NELFB: variants seen among roughly 807,000 people sequenced by gnomAD.
NELFB encodes negative elongation factor complex member B.
Under a neutral mutation model 60.2 loss-of-function variants are expected in NELFB, and 34 were observed. The observed-to-expected ratio is 0.56, with a 90% CI of 0.43 to 0.75. NELFB has a LOEUF of 0.75. NELFB is among the 30% of genes least tolerant of loss of function. The probability of loss-of-function intolerance (pLI) is 0.00; values close to 1 mark genes in which losing one functional copy is unlikely to be tolerated. For synonymous variants in NELFB, 459 were observed against 382.1 expected (o/e 1.20, Z -2.35); for missense variants, 770 against 831.6 (o/e 0.93, Z 0.91).
At chr9:137,263,320 C>A in intron 5 of NELFB, 98 bp downstream of exon 5, 1 of 1,158,572 alleles carries the variant, frequency 8.6e-7, no homozygotes. Context: ...CTCCTTCCCC[C>A]ACTGCCCTCC....
chr9:137,259,719 ATTAT>A (rs935286101), intron 4 of NELFB, among the ~76,000 whole-genome samples: 1 of 144,808 alleles, frequency 6.9e-6, no homozygotes, highest in African/African-American at 2.5e-5. Context: ...TTATTTTTTT[ATTAT>A]TTATTTATTT....
At chr9:137,262,055 C>G (rs1830455015) in intron 4 of NELFB, among the ~76,000 whole-genome samples, 1 of 152,140 alleles carries the variant, frequency 6.6e-6, no homozygotes, top group Non-Finnish European at 1.5e-5. Flanking sequence ...AGTACTTTCA[C>G]TAATTGACTA....
At chr9:137,272,360 C>T in intron 11 of NELFB, 138 bp downstream of exon 11, 2 of 1,479,424 alleles carry the variant, frequency 1.4e-6, no homozygotes, top group Non-Finnish European at 1.8e-6. Context: ...TCGCATGTGG[C>T]CCTGCAGGGT....
intron 6 of NELFB, 34 bp downstream of exon 6, chr9:137,264,391 A>G (rs1830493967): frequency 8.7e-6 from 13 of 1,491,484 alleles, no homozygotes; most frequent in East Asian, 2.4e-5. Context: ...TCTGCCCCTC[A>G]GGGCCCTGCG....
At chr9:137,265,582 G>T (rs974984975) in intron 6 of NELFB, among the ~76,000 whole-genome samples, 8 of 151,738 alleles carry the variant, frequency 5.3e-5, no homozygotes, top group Non-Finnish European at 1.0e-4. Flanking sequence ...TAGAGACAGG[G>T]TTTCACTTTG....
chr9:137,268,637 G>C (rs1033911760), intron 10 of NELFB, among the ~76,000 whole-genome samples: 1 of 152,226 alleles, frequency 6.6e-6, no homozygotes, highest in Non-Finnish European at 1.5e-5. Context: ...GGGATGGGAA[G>C]TCCGAGGTCA....
Position 137,267,071 on chromosome 9 carries a change from C to T in NELFB, c.1367C>T (p.Pro456Leu). 6.2e-7 allele frequency: 1 copy of T among 1,614,044 alleles called. No homozygotes were observed. Among genetic ancestry groups the T allele is most frequent in the Non-Finnish European group, 8.5e-7 (1 of 1,180,010 alleles). ...CCAGTCTCATATCCAAACACACTTCCCGAAAGCTTCACTAAGTACGGGCTG... is the reference window on the plus strand; with the variant it reads ...CCAGTCTCATATCCAAACACACTTCTCGAAAGCTTCACTAAGTACGGGCTG... The change falls in exon 9 of 13, where the codon CCC (proline) becomes CTC (leucine). Residue 456 changes from proline (P) to leucine (L), a missense_variant. Coordinates refer to ENST00000343053, the MANE Select transcript of NELFB (RefSeq NM_015456.5).
rs984950460 is a variant in NELFB, at chr9:137,273,210, C to G, written c.*282C>G. The G allele has an allele frequency of 5.7e-6, 2 of 353,094 alleles. No individual in the cohort carries two copies. The highest frequency in any genetic ancestry group is 1.0e-5 in the Non-Finnish European group (2 of 196,330). 21.9% of individuals were successfully genotyped at this position (353,094 alleles called of 1,614,324 possible). On this transcript the variant is annotated 3_prime_UTR_variant, in exon 13 of 13. Transcript: ENST00000343053. ...TTTTCCTGTGTTAGGAAAAAACCAC[C>G]TGTTTTCCAAGGGGAGAGGGCGGGG...
At chr9:137,263,358 C>A in intron 5 of NELFB, 136 bp downstream of exon 5, 1 of 652,484 alleles carries the variant, frequency 1.5e-6, no homozygotes, top group Non-Finnish European at 2.5e-6. Context: ...TCCCTCCCTC[C>A]CTCCTTCTCC....
At chr9:137,256,251 G>A in intron 2 of NELFB, 78 bp from the exon 3 acceptor site, 10 of 1,453,140 alleles carry the variant, frequency 6.9e-6, no homozygotes, top group Non-Finnish European at 9.6e-6. Context: ...CCTGGTAGCT[G>A]TTATCTGTGT....
rs1564444528 is a variant in NELFB, at chr9:137,266,212, AGTCGTGTGGTCCTGGCCATGGGC to A, written c.1144-118_1144-96del. 1.3e-4 allele frequency: 115 copies of A among 885,702 alleles called. 2 individuals carry two copies. In the East Asian group the frequency reaches 1.5e-3, roughly 11 times the overall value. 54.9% of individuals were successfully genotyped at this position (885,702 alleles called of 1,614,324 possible). A position where few individuals can be genotyped will look rare whatever the true frequency, so the allele number is the denominator to read the frequency against. On this transcript the variant is annotated intron_variant, in intron 7 of 12. Transcript: ENST00000343053. Reference sequence around the variant, plus strand: ...CCCCGTGTGTGGGGCTGGTGATCGCAGTCGTGTGGTCCTGGCCATGGGCACCAGAGATCCTGCTGAGTAACGAG... The same window carrying A: ...CCCCGTGTGTGGGGCTGGTGATCGCAACCAGAGATCCTGCTGAGTAACGAG...
Position 137,272,144 on chromosome 9 carries a change from C to T in NELFB, c.1553C>T (p.Ala518Val), listed in dbSNP as rs952940025. 1.9e-5 allele frequency: 30 copies of T among 1,614,114 alleles called. No homozygotes were observed. The highest frequency in any genetic ancestry group is 4.0e-5 in the African/African-American group (3 of 74,946). Residue 518 changes from alanine (A) to valine (V), a missense_variant, in exon 11 of 13, where the codon GCG (alanine) becomes GTG (valine). Coordinates refer to ENST00000343053, the MANE Select transcript of NELFB (RefSeq NM_015456.5). ...CTCCACCTGCTCACGGGCAACCTTG[C>T]GCTGCTGGCCGACGAATTTGCCCTT...
intron 7 of NELFB, 50 bp from the exon 8 acceptor site, chr9:137,266,281 G>A: frequency 6.5e-7 from 1 of 1,530,952 alleles, no homozygotes. Context: ...GGAGCTCCAT[G>A]GCCAGGACAC....
At chr9:137,268,389 G>T (rs917678078) in intron 10 of NELFB, among the ~76,000 whole-genome samples, 6 of 152,288 alleles carry the variant, frequency 3.9e-5, no homozygotes, top group Non-Finnish European at 8.8e-5. Flanking sequence ...TTCGAGACCA[G>T]TCTGGCCAAC....
At chr9:137,258,290 A>ATT in intron 4 of NELFB, among the ~76,000 whole-genome samples, 5 of 149,872 alleles carry the variant, frequency 3.3e-5, no homozygotes, top group South Asian at 2.1e-4. Flanking sequence ...TGCCTGGCTA[A>ATT]TTTGTATACT....
chr9:137,264,593 G>T lies in NELFB; in HGVS notation c.1040+236G>T, dbSNP rs540334287. 2.6e-5 allele frequency among the ~76,000 whole-genome samples: 4 copies of T among 152,288 alleles called. No individual in the cohort carries two copies. In the East Asian group the frequency reaches 7.7e-4, roughly 29 times the overall value. On this transcript the variant is annotated intron_variant, in intron 6 of 12. Transcript: ENST00000343053. ...CCATTCTCCTGCCTCAGCCTCCCAA[G>T]TAGCTGGGATTACAGGCACGCGCCA...
chr9:137,264,496 C>CT (rs1830495706), intron 6 of NELFB, 139 bp downstream of exon 6: 1 of 672,118 alleles, frequency 1.5e-6, no homozygotes, highest in Admixed American at 2.6e-5. Flanking sequence ...GACAGAGTCT[C>CT]GTTCTGTAGC....
intron 1 of NELFB, 133 bp downstream of exon 1, chr9:137,255,744 C>A: frequency 1.4e-6 from 2 of 1,431,188 alleles, no homozygotes; most frequent in Non-Finnish European, 1.9e-6. Flanking sequence ...GGGGTGGAGT[C>A]CGGAGCCAGC....
chr9:137,264,772 G>A (rs11560802), intron 6 of NELFB, among the ~76,000 whole-genome samples: 14,259 of 151,992 alleles, frequency 0.094, 883 homozygotes, highest in East Asian at 0.3. Flanking sequence ...TGGCCTCCTG[G>A]ATGTTTCAAT....
Sources: gnomAD v4.1 joint callset for allele counts (sites outside exome capture counted in the v4.1 genomes callset) on GRCh38, gnomAD v4.1.1 for gene constraint, MANE v1.5 for transcripts, NCBI Gene and HGNC (gene_info 2026-07-23, HGNC 2026-07-21) for gene names.